CCDC6: variants seen among roughly 807,000 people sequenced by gnomAD.
The protein encoded by CCDC6 is coiled-coil domain-containing protein 6.
A neutral mutation model predicts 56.6 loss-of-function variants in CCDC6; 20 were observed. The observed-to-expected ratio is 0.35, with a 90% CI of 0.25 to 0.51. The LOEUF is 0.51. CCDC6 is among the 20% of genes least tolerant of loss of function. The probability of loss-of-function intolerance (pLI) is 0.95; values close to 1 mark genes in which losing one functional copy is unlikely to be tolerated. For synonymous variants in CCDC6, 241 were observed against 234.4 expected, an observed-to-expected ratio of 1.03 and a Z score of -0.26; for missense variants, 367 against 601.1, an observed-to-expected ratio of 0.61 and a Z score of 4.07.
chr10:59,818,497 G>A (rs1049189418), intron 3 of CCDC6, among the ~76,000 whole-genome samples: 2 of 103,484 alleles, frequency 1.9e-5, no homozygotes, highest in South Asian at 5.8e-4. Context: ...AATGTTGACG[G>A]GGGGGGGGGA....
intron 1 of CCDC6, among the ~76,000 whole-genome samples, chr10:59,869,335 C>G (rs957278393): frequency 2.9e-5 from 4 of 138,316 alleles, no homozygotes; most frequent in Non-Finnish European, 6.1e-5. Flanking sequence ...CCCCAAACAC[C>G]TCTCTGGATT....
chr10:59,868,364 G>A (rs1008961121), intron 1 of CCDC6, among the ~76,000 whole-genome samples: 3 of 152,086 alleles, frequency 2.0e-5, no homozygotes, highest in Non-Finnish European at 4.4e-5. Flanking sequence ...CACCACCACT[G>A]GACCGTGTGA....
At chr10:59,836,253 C>A (rs1274457995) in intron 2 of CCDC6, among the ~76,000 whole-genome samples, 1 of 152,030 alleles carries the variant, frequency 6.6e-6, no homozygotes, top group Non-Finnish European at 1.5e-5. Flanking sequence ...TAAACAGATA[C>A]CATGTAAATT....
At chr10:59,859,950 C>T (rs781757668) in intron 1 of CCDC6, among the ~76,000 whole-genome samples, 9 of 152,106 alleles carry the variant, frequency 5.9e-5, no homozygotes, top group East Asian at 1.9e-4. Context: ...GGTGTGGTGG[C>T]GCACGCCTAT....
At chr10:59,860,480 C>G (rs1263794870) in intron 1 of CCDC6, among the ~76,000 whole-genome samples, 1 of 152,114 alleles carries the variant, frequency 6.6e-6, no homozygotes, top group Non-Finnish European at 1.5e-5. Flanking sequence ...TAATCTAATG[C>G]TGAAGAAGGG....
chr10:59,813,418 G>A (rs2070688688), intron 4 of CCDC6, among the ~76,000 whole-genome samples: 1 of 152,130 alleles, frequency 6.6e-6, no homozygotes, highest in African/African-American at 2.4e-5. Flanking sequence ...TATGTTGAAG[G>A]ATATAAAATA....
rs962157286 is a variant in CCDC6 at position 59,789,723 on chromosome 10, T to G, written c.*3194A>C. 1 of 222,452 alleles carries G rather than the reference T, an allele frequency of 4.5e-6. No homozygotes were observed. The highest frequency in any genetic ancestry group is 2.2e-5 in the African/African-American group (1 of 44,816). The allele number at this position is 222,452 out of a possible 1,614,324, so 13.8% of individuals were successfully genotyped here. The stretch of plus-strand genomic sequence containing the variant: ...TTCTTCTGTACTGATAAGATACAAA[T>G]ATTGAGCTCTCAAAGCACAAGTTAC... On this transcript the variant is annotated 3_prime_UTR_variant, in exon 9 of 9. Coordinates refer to ENST00000263102, the MANE Select transcript of CCDC6 (RefSeq NM_005436.5).
chr10:59,859,903 G>A (rs1000936476), intron 1 of CCDC6, among the ~76,000 whole-genome samples: 6 of 152,064 alleles, frequency 3.9e-5, no homozygotes, highest in Non-Finnish European at 5.9e-5. Flanking sequence ...CCAATGTGGC[G>A]AAAACCCATT....
At chr10:59,846,495 C>T (rs2070992828) in intron 2 of CCDC6, among the ~76,000 whole-genome samples, 1 of 152,164 alleles carries the variant, frequency 6.6e-6, no homozygotes, top group Admixed American at 6.5e-5. Context: ...TTCCAGGAAG[C>T]ATTCTTACCT....
At chr10:59,827,147 G>A (rs2132640677) in intron 3 of CCDC6, among the ~76,000 whole-genome samples, 1 of 152,276 alleles carries the variant, frequency 6.6e-6, no homozygotes, top group Non-Finnish European at 1.5e-5. Context: ...CCAGGCAGAG[G>A]AAACAGATCC....
intron 1 of CCDC6, among the ~76,000 whole-genome samples, chr10:59,903,646 T>C (rs1355090467): frequency 6.6e-6 from 1 of 152,172 alleles, no homozygotes; most frequent in Non-Finnish European, 1.5e-5. Flanking sequence ...AGGAAGGCAA[T>C]TACCAGAATT....
chr10:59,827,432 C>A (rs1423398348), intron 3 of CCDC6, among the ~76,000 whole-genome samples: 4 of 152,102 alleles, frequency 2.6e-5, no homozygotes, highest in African/African-American at 7.2e-5. Flanking sequence ...AATAATCCTG[C>A]ATCAGAAAGA....
At position 59,793,093 on chromosome 10, in the gene CCDC6, T is replaced by G. The variant is rs756826393; in HGVS notation, c.1249A>C (p.Ser417Arg). ...CGTTTGAATTTGTCAGGACTGTTGCTTCTCCGTGGTGAAGGCCTCTGCAGA... is the reference window on the plus strand; with the variant it reads ...CGTTTGAATTTGTCAGGACTGTTGCGTCTCCGTGGTGAAGGCCTCTGCAGA... ...HGITRPSPRR[S>R]NSPDKFKRPT... Residue 417 changes from serine to arginine, a missense_variant, in exon 9 of 9, where the codon AGC (serine) becomes CGC (arginine). By Grantham distance (110) the Ser-to-Arg change is moderately radical. Transcript: ENST00000263102. 1.2e-6 allele frequency: 2 copies of G among 1,614,000 alleles called. No individual in the cohort carries two copies. Among genetic ancestry groups the G allele is most frequent in the Non-Finnish European group, 1.7e-6 (2 of 1,180,004 alleles).
rs566269082 is a variant in CCDC6, at chr10:59,832,276, C to T, written c.582+249G>A. ...GCAAAAAGGAAGCTGACATTTCCTG[C>T]TATAAATCAGTACATCACAACTTAT... On this transcript the variant is annotated intron_variant, in intron 3 of 8. Coordinates refer to ENST00000263102, the MANE Select transcript of CCDC6 (RefSeq NM_005436.5). 5.3e-5 allele frequency among the ~76,000 whole-genome samples: 8 copies of T among 152,274 alleles called. No homozygotes were observed. The South Asian group carries it at 1.7e-3, about 32-fold the overall frequency.
At chr10:59,896,406 C>T (rs1361089065) in intron 1 of CCDC6, among the ~76,000 whole-genome samples, 1 of 152,074 alleles carries the variant, frequency 6.6e-6, no homozygotes, top group Non-Finnish European at 1.5e-5. Context: ...CAGAGCTGGG[C>T]GTAGGGCTAG....
rs2070463518 is a variant in CCDC6, at chr10:59,791,119, C to T, written c.*1798G>A. 1 of 202,298 alleles carries T rather than the reference C, an allele frequency of 4.9e-6. No homozygotes were observed. The highest frequency in any genetic ancestry group is 6.0e-5 in the Admixed American group (1 of 16,670). The allele number at this position is 202,298 out of a possible 1,614,324, so 12.5% of individuals were successfully genotyped here. On this transcript the variant is annotated 3_prime_UTR_variant, in exon 9 of 9. Transcript: ENST00000263102. ...TTGACATGGCCCAGTCTGATCACAT[C>T]AAAAACCTAAAGCCTCAATGATTAA...
At chr10:59,840,230 C>T (rs1407095260) in intron 2 of CCDC6, among the ~76,000 whole-genome samples, 1 of 152,154 alleles carries the variant, frequency 6.6e-6, no homozygotes, top group Non-Finnish European at 1.5e-5. Flanking sequence ...ACCACTGGGT[C>T]ATAGAGAATA....
At chr10:59,830,023 C>A (rs1027895342) in intron 3 of CCDC6, among the ~76,000 whole-genome samples, 1 of 152,172 alleles carries the variant, frequency 6.6e-6, no homozygotes. Context: ...CACTAGCCTG[C>A]GCTGCCTTCT....
chr10:59,859,674 G>A (rs2132660898), intron 1 of CCDC6, among the ~76,000 whole-genome samples: 1 of 152,044 alleles, frequency 6.6e-6, no homozygotes, highest in Non-Finnish European at 1.5e-5. Context: ...CACATAGGAA[G>A]GAAAATGAAA....
Sources: gnomAD v4.1 joint callset for allele counts (sites outside exome capture counted in the v4.1 genomes callset) on GRCh38, gnomAD v4.1.1 for gene constraint, MANE v1.5 for transcripts, NCBI Gene and HGNC (gene_info 2026-07-23, HGNC 2026-07-21) for gene names.